The following GATA4 variants were observed in gnomAD, a reference collection of about 807,000 sequenced individuals.
GATA4 encodes the protein transcription factor GATA-4.
Under a neutral mutation model 37.9 loss-of-function variants are expected in GATA4, and 7 were observed. The ratio of observed to expected loss-of-function variants is 0.18; its 90% CI spans 0.11 to 0.35. The LOEUF (loss-of-function observed/expected upper bound fraction) is 0.35. GATA4 is among the 10% of genes least tolerant of loss of function. The pLI, the probability that GATA4 is intolerant of heterozygous loss-of-function variation, is 1.00. For synonymous variants in GATA4, 372 were observed against 292.6 expected (o/e 1.27, Z -2.77); for missense variants, 647 against 653.0 (o/e 0.99, Z 0.10).
rs998924533 is a variant in GATA4 at position 11,707,859 on chromosome 8, C to A, written c.-454C>A. ...CTTTCTGTCGTTCCTCTTTTAGGACCCCGGCTGCGGCGAGGAGGAAGGAGC... is the reference window on the plus strand; with the variant it reads ...CTTTCTGTCGTTCCTCTTTTAGGACACCGGCTGCGGCGAGGAGGAAGGAGC... On this transcript the variant is annotated 5_prime_UTR_variant, in exon 2 of 7. Transcript: ENST00000532059. This position sits in a 1 kb window ranked among gnomAD's most constrained non-coding sequence, Gnocchi z 4.7. 4.1e-6 allele frequency: 1 copy of A among 246,264 alleles called. No homozygotes were observed. The highest frequency in any genetic ancestry group is 5.3e-5 in the Admixed American group (1 of 18,922). The allele number at this position is 246,264 out of a possible 1,614,324, so 15.3% of individuals were successfully genotyped here.
intron 5 of GATA4, among the ~76,000 whole-genome samples, chr8:11,756,026 T>C (rs748289995): frequency 4.0e-5 from 6 of 151,756 alleles, no homozygotes; most frequent in Non-Finnish European, 7.4e-5. Flanking sequence ...TATAAAATTA[T>C]ATATAAATTT....
chr8:11,750,314 G>T, intron 4 of GATA4, 78 bp downstream of exon 4: 1 of 1,578,388 alleles, frequency 6.3e-7, no homozygotes, highest in African/African-American at 1.3e-5. Flanking sequence ...TTCTTCCTTT[G>T]TACTAGCATT....
At position 11,709,579 on chromosome 8, in the gene GATA4, G is replaced by GGC. The variant is rs1554488913; in HGVS notation, c.616+652_616+653insCG. On this transcript the variant is annotated intron_variant, in intron 2 of 6. Transcript: ENST00000532059. The surrounding 1 kb of genome is among the most constrained non-coding windows in gnomAD (Gnocchi z 4.3). The stretch of plus-strand genomic sequence containing the variant: ...GTGGGCGCATCATGCGGGCAGCGGG[G>GGC]GGGGGGGCGCACACGCCCGGTCAGT... Among the ~76,000 whole-genome samples the GGC allele has an allele frequency of 6.6e-6, 1 of 151,898 alleles. No homozygotes were observed. The highest frequency in any genetic ancestry group is 2.4e-5 in the African/African-American group (1 of 41,374).
Position 11,712,288 on chromosome 8 carries a change from G to A in GATA4, c.616+3360G>A, listed in dbSNP as rs116326311. On this transcript the variant is annotated intron_variant, in intron 2 of 6. Coordinates refer to ENST00000532059, the MANE Select transcript of GATA4 (RefSeq NM_001308093.3). Reference sequence around the variant, plus strand: ...AAACCTGGGACAGTCCCCAGTGAACGCAGATTGTTGGACACTCAATGTGAA... The same window carrying A: ...AAACCTGGGACAGTCCCCAGTGAACACAGATTGTTGGACACTCAATGTGAA... Among the ~76,000 whole-genome samples the A allele has an allele frequency of 3.0e-3, 460 of 152,314 alleles. 1 individual carries two copies. The highest frequency in any genetic ancestry group is 0.01 in the African/African-American group (434 of 41,556).
chr8:11,703,504 A>T (rs115343156), upstream of GATA4, among the ~76,000 whole-genome samples: 4,106 of 152,186 alleles, frequency 0.027, 205 homozygotes, highest in African/African-American at 0.095. Flanking sequence ...GAGCCGCCGC[A>T]GGCTGCAGAA....
intron 1 of GATA4, among the ~76,000 whole-genome samples, chr8:11,683,439 T>C: frequency 6.6e-6 from 1 of 152,160 alleles, no homozygotes; most frequent in East Asian, 1.9e-4. Flanking sequence ...TCGTTTTTTT[T>C]CTTTTAAGAA....
At chr8:11,678,150 G>A (rs1798842551) in intron 1 of GATA4, among the ~76,000 whole-genome samples, 1 of 152,026 alleles carries the variant, frequency 6.6e-6, no homozygotes, top group African/African-American at 2.4e-5. Flanking sequence ...AACCTACCAA[G>A]TTTCCTGTGC....
At position 11,730,961 on chromosome 8, in the gene GATA4, G is replaced by T. The variant is rs143652055; in HGVS notation, c.617-17955G>T. 2.6e-5 allele frequency among the ~76,000 whole-genome samples: 4 copies of T among 152,228 alleles called. No individual in the cohort carries two copies. The South Asian group carries it at 8.3e-4, about 31-fold the overall frequency. On this transcript the variant is annotated intron_variant, in intron 2 of 6. Transcript: ENST00000532059. ...CCCAGTGCCCACTGAGGTGCAGCCC[G>T]CGTGCCTGGACGGCTCTGTCAGGGC...
chr8:11,751,733 C>T (rs986655841), intron 4 of GATA4, among the ~76,000 whole-genome samples: 2 of 152,174 alleles, frequency 1.3e-5, no homozygotes, highest in African/African-American at 4.8e-5. Context: ...CACTAAAAAT[C>T]AGAGAAATGT....
intron 2 of GATA4, among the ~76,000 whole-genome samples, chr8:11,720,916 T>C (rs1453246123): frequency 6.6e-6 from 1 of 152,012 alleles, no homozygotes; most frequent in Non-Finnish European, 1.5e-5. Flanking sequence ...GTGGTGGAGA[T>C]TTCATAGAAG....
chr8:11,734,886 T>C (rs1801384179), intron 2 of GATA4, among the ~76,000 whole-genome samples: 1 of 152,174 alleles, frequency 6.6e-6, no homozygotes, highest in South Asian at 2.1e-4. Context: ...TACCATCACA[T>C]GTGGGTTAGG....
chr8:11,752,923 T>C (rs962436545), intron 4 of GATA4, among the ~76,000 whole-genome samples: 1 of 152,194 alleles, frequency 6.6e-6, no homozygotes, highest in Non-Finnish European at 1.5e-5. Context: ...AGGAAAATGG[T>C]TAAACTATTG....
intron 2 of GATA4, among the ~76,000 whole-genome samples, chr8:11,720,352 G>A (rs1328517198): frequency 1.3e-5 from 2 of 151,990 alleles, no homozygotes; most frequent in Non-Finnish European, 2.9e-5. Flanking sequence ...CATCAAACTC[G>A]AATTCATGCT....
Position 11,708,344 on chromosome 8 carries a change from A to C in GATA4, c.32A>C (p.His11Pro). 10 of 1,582,018 alleles carry C rather than the reference A, an allele frequency of 6.3e-6. No homozygotes were observed. Among genetic ancestry groups the C allele is most frequent in the African/African-American group, 2.7e-5 (2 of 74,608 alleles). MYQSLAMAAN[H>P]GPPPGAYEAG... Reference sequence around the variant, plus strand: ...CAGAGCTTGGCCATGGCCGCCAACCACGGGCCGCCCCCCGGTGCCTACGAG... The same window carrying C: ...CAGAGCTTGGCCATGGCCGCCAACCCCGGGCCGCCCCCCGGTGCCTACGAG... Residue 11 changes from histidine to proline, a missense_variant, in exon 2 of 7, where the codon CAC becomes CCC. Physicochemically the swap from His to Pro is moderately conservative, Grantham distance 77 (BLOSUM62 -2). Around this residue, in one of 5 missense-constraint regions of GATA4, gnomAD observed 379 missense variants for 334.5 expected, o/e 1.13. Transcript: ENST00000532059. This position sits in a 1 kb window ranked among gnomAD's most constrained non-coding sequence, Gnocchi z 6.7.
upstream of GATA4, chr8:11,692,076 C>A (rs1247082889): frequency 1.0e-6 from 1 of 984,602 alleles, no homozygotes; most frequent in South Asian, 4.7e-5. Flanking sequence ...GGGTGCTTTC[C>A]GTAGAAAGGG....
Position 11,758,636 on chromosome 8 carries a change from C to G in GATA4, c.*161C>G. On this transcript the variant is annotated 3_prime_UTR_variant, in exon 7 of 7. Coordinates refer to ENST00000532059, the MANE Select transcript of GATA4 (RefSeq NM_001308093.3). Reference sequence around the variant, plus strand: ...AAGTCGACAATCTGGTTAGGGGAAGCGGGTGTTGGATTTTCTCAGATGCCT... The same window carrying G: ...AAGTCGACAATCTGGTTAGGGGAAGGGGGTGTTGGATTTTCTCAGATGCCT... 2.7e-6 allele frequency: 2 copies of G among 735,370 alleles called. No individual in the cohort carries two copies. The highest frequency in any genetic ancestry group is 4.7e-6 in the Non-Finnish European group (2 of 425,710). The allele number at this position is 735,370 out of a possible 1,614,324, so 45.6% of individuals were successfully genotyped here.
rs113649022 is a variant in GATA4 at position 11,684,638 on chromosome 8, G to A, written c.-274+7575G>A. 5.0e-3 allele frequency among the ~76,000 whole-genome samples: 759 copies of A among 152,236 alleles called. 11 individuals carry two copies. Among genetic ancestry groups the A allele is most frequent in the African/African-American group, 0.017 (722 of 41,560 alleles). ...TGTTTTCTTGGTCAAATTACTTAAC[G>A]CTTCTGTGTTTCAGTTTCTTATATT... On this transcript the variant is annotated intron_variant, in intron 1 of 6. Transcript: ENST00000528712.
Position 11,749,016 on chromosome 8 carries a change from C to T in GATA4, c.717C>T (p.Cys239=). 1 of 1,614,216 alleles carries T rather than the reference C, an allele frequency of 6.2e-7. No homozygotes were observed. The highest frequency in any genetic ancestry group is 8.5e-7 in the Non-Finnish European group (1 of 1,180,040). The change falls in exon 3 of 7, where the codon TGC becomes TGT. Residue 239 remains cysteine, a synonymous_variant. Coordinates refer to ENST00000532059, the MANE Select transcript of GATA4 (RefSeq NM_001308093.3). This position sits in a 1 kb window ranked among gnomAD's most constrained non-coding sequence, Gnocchi z 4.6. Reference sequence around the variant, plus strand: ...GAGATGGGACGGGTCACTATCTGTGCAACGCCTGCGGCCTCTACCACAAGA... The same window carrying T: ...GAGATGGGACGGGTCACTATCTGTGTAACGCCTGCGGCCTCTACCACAAGA... ...WRRDGTGHYL[C]NACGLYHKMN...
At chr8:11,753,277 C>T (rs1221386960) in intron 4 of GATA4, among the ~76,000 whole-genome samples, 2 of 152,002 alleles carry the variant, frequency 1.3e-5, no homozygotes, top group African/African-American at 4.8e-5. Context: ...TCCATAGAGA[C>T]AGAAAGTAGA....
Sources: allele counts gnomAD v4.1 joint callset (sites outside exome capture counted in the v4.1 genomes callset), GRCh38; gene constraint gnomAD v4.1.1; regional missense constraint gnomAD v4.1.1; non-coding constraint Gnocchi (gnomAD v3.1); transcripts MANE v1.5; gene names NCBI Gene and HGNC (gene_info 2026-07-23, HGNC 2026-07-21).